The following PLSCR2 variants were observed in gnomAD, a reference collection of about 807,000 sequenced individuals.
The protein encoded by PLSCR2 is phospholipid scramblase 2.
PLSCR2 carries 18 observed loss-of-function variants against 25.3 expected under a neutral mutation model. That is an observed-to-expected ratio of 0.71 (90% CI 0.49 to 1.06). PLSCR2 has a LOEUF of 1.06. PLSCR2 is among the 50% of genes least tolerant of loss of function. The pLI is 0.00. For missense variants in PLSCR2, 243 were observed against 269.5 expected, an observed-to-expected ratio of 0.90 and a Z score of 0.69; for synonymous variants, 88 against 87.3, an observed-to-expected ratio of 1.01 and a Z score of -0.04.
intron 2 of PLSCR2, among the ~76,000 whole-genome samples, chr3:146,396,873 C>T (rs959988271): frequency 6.6e-6 from 1 of 152,082 alleles, no homozygotes; most frequent in East Asian, 1.9e-4. Flanking sequence ...ACCATTCCCC[C>T]TCATTCTCAA....
At chr3:146,462,033 T>G, upstream of PLSCR2, 2 of 623,270 alleles carry the variant, frequency 3.2e-6, no homozygotes, top group African/African-American at 1.9e-5. Context: ...CTTAGTAAAT[T>G]ACTTACTTTT....
chr3:146,492,774 C>T (rs1363553820), intron 1 of PLSCR2, among the ~76,000 whole-genome samples: 6 of 151,756 alleles, frequency 4.0e-5, no homozygotes, highest in Non-Finnish European at 8.8e-5. Flanking sequence ...CCCCAAAGCT[C>T]ACAGAAGAAA....
chr3:146,490,700 T>C (rs1207472522), intron 1 of PLSCR2, among the ~76,000 whole-genome samples: 1 of 152,152 alleles, frequency 6.6e-6, no homozygotes, highest in Non-Finnish European at 1.5e-5. Context: ...ATTTGCTTAA[T>C]AGATATTTCT....
chr3:146,435,132 T>C (rs58016179), intron 8 of PLSCR2, among the ~76,000 whole-genome samples: 11,140 of 152,220 alleles, frequency 0.073, 521 homozygotes, highest in African/African-American at 0.12. Flanking sequence ...TAGTATTCCA[T>C]GGTGTATATG....
At chr3:146,411,787 A>G (rs1417431677) in intron 2 of PLSCR2, among the ~76,000 whole-genome samples, 1 of 152,248 alleles carries the variant, frequency 6.6e-6, no homozygotes, top group East Asian at 1.9e-4. Context: ...TTTTACAGAA[A>G]TAAAGTACGC....
intron 8 of PLSCR2, among the ~76,000 whole-genome samples, chr3:146,434,521 T>A (rs1207520709): frequency 1.3e-5 from 2 of 151,806 alleles, no homozygotes; most frequent in Admixed American, 6.6e-5. Flanking sequence ...AATGAAAACA[T>A]CTCTATGTAC....
At chr3:146,495,216 T>C (rs1266154590) in intron 1 of PLSCR2, among the ~76,000 whole-genome samples, 1 of 152,206 alleles carries the variant, frequency 6.6e-6, no homozygotes, top group East Asian at 1.9e-4. Flanking sequence ...GCATTCGTTT[T>C]TCTTCTCTCT....
chr3:146,456,582 TG>T (rs1459138264), intron 3 of PLSCR2, among the ~76,000 whole-genome samples: 2 of 152,186 alleles, frequency 1.3e-5, no homozygotes, highest in East Asian at 3.8e-4. Flanking sequence ...ATGACATCAA[TG>T]GGGTTACAAA....
intron 2 of PLSCR2, among the ~76,000 whole-genome samples, chr3:146,407,486 C>T (rs58549281): frequency 0.01 from 1,579 of 152,216 alleles, 32 homozygotes; most frequent in African/African-American, 0.036. Flanking sequence ...TTCTCGGAGA[C>T]GGTGGCCTGG....
At chr3:146,484,962 T>C (rs1195813476) in intron 1 of PLSCR2, among the ~76,000 whole-genome samples, 1 of 151,984 alleles carries the variant, frequency 6.6e-6, no homozygotes, top group Non-Finnish European at 1.5e-5. Context: ...GTAAATGGGC[T>C]AAATGCCCCA....
intron 2 of PLSCR2, among the ~76,000 whole-genome samples, chr3:146,422,859 A>C (rs1009033531): frequency 1.3e-5 from 2 of 152,082 alleles, no homozygotes; most frequent in Non-Finnish European, 2.9e-5. Flanking sequence ...ATTAACTCCC[A>C]AAACCTAGAA....
intron 6 of PLSCR2, among the ~76,000 whole-genome samples, chr3:146,445,815 G>T (rs1373131804): frequency 6.6e-6 from 1 of 152,010 alleles, no homozygotes; most frequent in African/African-American, 2.4e-5. Context: ...TCTGGATCTT[G>T]CAGGCAAGCT....
intron 1 of PLSCR2, among the ~76,000 whole-genome samples, chr3:146,479,023 C>A (rs902525516): frequency 1.3e-5 from 2 of 152,068 alleles, no homozygotes; most frequent in African/African-American, 4.8e-5. Flanking sequence ...GAAATAAAAT[C>A]GTTTACAGAC....
intron 1 of PLSCR2, among the ~76,000 whole-genome samples, chr3:146,467,533 G>A (rs768009628): frequency 1.3e-5 from 2 of 151,798 alleles, no homozygotes; most frequent in Non-Finnish European, 1.5e-5. Context: ...GCACTGTACA[G>A]GCACTAAAAA....
rs200509115 is a variant in PLSCR2, at chr3:146,394,951, C to T, written c.*145+809G>A. Among the ~76,000 whole-genome samples the T allele has an allele frequency of 1.2e-4, 19 of 152,272 alleles. No homozygotes were observed. The East Asian group carries it at 1.9e-3, about 15-fold the overall frequency. ...CGTGCTTGTACTCACTGTTTCCTGC[C>T]GCCTTGTGGAAAAGGTGCCTGCTTC... On this transcript the variant is annotated intron_variant and NMD_transcript_variant, in intron 3 of 3. Coordinates refer to the PLSCR2 transcript ENST00000463633.
At chr3:146,430,746 C>T (rs761550106), downstream of PLSCR2, among the ~76,000 whole-genome samples, 7 of 151,960 alleles carry the variant, frequency 4.6e-5, no homozygotes, top group Non-Finnish European at 1.0e-4. Context: ...TACACTTTCA[C>T]TTCCCCCCAC....
chr3:146,480,407 T>C (rs1011108493), intron 1 of PLSCR2, among the ~76,000 whole-genome samples: 1 of 151,862 alleles, frequency 6.6e-6, no homozygotes, highest in Non-Finnish European at 1.5e-5. Flanking sequence ...AAAGGGGATA[T>C]CACCACCGAC....
At chr3:146,401,118 G>A (rs2107999233) in intron 2 of PLSCR2, among the ~76,000 whole-genome samples, 1 of 152,080 alleles carries the variant, frequency 6.6e-6, no homozygotes, top group Non-Finnish European at 1.5e-5. Context: ...AAAAGCCTTG[G>A]ATGGATGCTT....
chr3:146,440,019 T>C (rs112934061), downstream of PLSCR2, among the ~76,000 whole-genome samples: 603 of 152,336 alleles, frequency 4.0e-3, 4 homozygotes, highest in African/African-American at 0.013. Context: ...TGCAGGTCTG[T>C]TGGAGTTTGC....
Sources: gnomAD v4.1 joint callset for allele counts (sites outside exome capture counted in the v4.1 genomes callset) on GRCh38, gnomAD v4.1.1 for gene constraint, MANE v1.5 for transcripts, NCBI Gene and HGNC (gene_info 2026-07-23, HGNC 2026-07-21) for gene names.